EPHB1: variants seen among roughly 807,000 people sequenced by gnomAD.
EPHB1 encodes EPH receptor B1, also known as ephrin type-B receptor 1.
In EPHB1, 30 loss-of-function variants were observed where a neutral mutation model predicts 94.4. The ratio of observed to expected loss-of-function variants is 0.32; its 90% confidence interval spans 0.24 to 0.43. The LOEUF (loss-of-function observed/expected upper bound fraction) is 0.43. Ranked by LOEUF, EPHB1 falls within the 20% of genes least tolerant of loss-of-function variation. The pLI is 1.00. For missense variants in EPHB1, 1,055 were observed against 1,308.3 expected, an observed-to-expected ratio of 0.81 and a Z score of 2.99; for synonymous variants, 522 against 489.1, an observed-to-expected ratio of 1.07 and a Z score of -0.89.
intron 2 of EPHB1, among the ~76,000 whole-genome samples, chr3:134,949,496 C>T (rs1415591920): frequency 6.6e-6 from 1 of 152,192 alleles, no homozygotes; most frequent in African/African-American, 2.4e-5. Flanking sequence ...CTTGCCTCCA[C>T]AGGGGGCTTT....
In EPHB1 at chr3:134,881,363, G is replaced by C. The variant is rs7431490; in HGVS notation, c.59-44453G>C. On this transcript the variant is annotated intron_variant, in intron 1 of 15. Coordinates refer to ENST00000398015, the MANE Select transcript of EPHB1 (RefSeq NM_004441.5). ...CAAGACATGCAGGTATGTGCAAGCA[G>C]ATGGAGGCATGGAATTGTCAGAAAG... Among the ~76,000 whole-genome samples the C allele has an allele frequency of 9.7e-3, 1,483 of 152,284 alleles. 23 individuals carry two copies. The highest frequency in any genetic ancestry group is 0.034 in the African/African-American group (1,420 of 41,552).
chr3:135,043,054 C>A (rs1015268600), intron 3 of EPHB1, among the ~76,000 whole-genome samples: 2 of 151,930 alleles, frequency 1.3e-5, no homozygotes, highest in East Asian at 3.9e-4. Flanking sequence ...ATTGCTATGG[C>A]TAGTCTTGAA....
intron 9 of EPHB1, among the ~76,000 whole-genome samples, chr3:135,171,841 G>T (rs1212079856): frequency 6.6e-6 from 1 of 152,136 alleles, no homozygotes; most frequent in Non-Finnish European, 1.5e-5. Flanking sequence ...GCCCCATGAG[G>T]TACATTTTGC....
intron 4 of EPHB1, among the ~76,000 whole-genome samples, chr3:135,132,110 C>T (rs1190759912): frequency 2.6e-5 from 4 of 151,554 alleles, no homozygotes; most frequent in Admixed American, 6.6e-5. Flanking sequence ...CTACATGAAC[C>T]TCTTCCACTC....
At chr3:135,148,365 A>G (rs552502044) in intron 5 of EPHB1, among the ~76,000 whole-genome samples, 1 of 152,334 alleles carries the variant, frequency 6.6e-6, no homozygotes, top group Non-Finnish European at 1.5e-5. Context: ...TATGACAGTA[A>G]AACTCCTGCA....
chr3:135,016,961 T>C (rs949792839), intron 3 of EPHB1, among the ~76,000 whole-genome samples: 1 of 152,046 alleles, frequency 6.6e-6, no homozygotes, highest in Non-Finnish European at 1.5e-5. Flanking sequence ...CCTTCCCTCA[T>C]CTCCAGGCAT....
At chr3:135,179,575 G>C (rs1942095565) in intron 9 of EPHB1, among the ~76,000 whole-genome samples, 1 of 152,176 alleles carries the variant, frequency 6.6e-6, no homozygotes, top group South Asian at 2.1e-4. Flanking sequence ...TGTGGGAACT[G>C]GTCCCGATCT....
chr3:135,061,374 C>CCA lies in EPHB1; in HGVS notation c.806-45073_806-45072insAC, dbSNP rs368127146. On this transcript the variant is annotated intron_variant, in intron 3 of 15. Transcript: ENST00000398015. ...CTCCCACTTAGGAATGACCACCCCC[C>CCA]CCGACCCAAGTCCCCAAAGTCCATT... is the stretch of plus-strand genomic sequence containing the variant. Among the ~76,000 whole-genome samples, 726 of 126,480 alleles carry CCA rather than the reference C, an allele frequency of 5.7e-3. 37 individuals are homozygous for CCA. The highest frequency in any genetic ancestry group is 0.024 in the African/African-American group (680 of 28,932). 83.0% of individuals were successfully genotyped at this position (126,480 alleles called of 152,430 possible).
intron 3 of EPHB1, among the ~76,000 whole-genome samples, chr3:135,048,259 CTTTTT>C (rs34135757): frequency 1.8e-5 from 1 of 55,202 alleles, no homozygotes; most frequent in African/African-American, 7.2e-5. Flanking sequence ...TTTCTTTTTT[CTTTTT>C]TTTTTTTTTT....
intron 3 of EPHB1, among the ~76,000 whole-genome samples, chr3:134,998,817 G>T (rs1448632329): frequency 6.6e-6 from 1 of 152,150 alleles, no homozygotes; most frequent in Non-Finnish European, 1.5e-5. Flanking sequence ...ATATTTGATA[G>T]ATTTTTAAAA....
intron 2 of EPHB1, among the ~76,000 whole-genome samples, chr3:134,927,704 G>A (rs2038821239): frequency 6.6e-6 from 1 of 152,180 alleles, no homozygotes; most frequent in South Asian, 2.1e-4. Flanking sequence ...TTCTCCTTGA[G>A]GGAAACATTC....
At chr3:135,006,830 T>A (rs1935434303) in intron 3 of EPHB1, among the ~76,000 whole-genome samples, 1 of 152,240 alleles carries the variant, frequency 6.6e-6, no homozygotes, top group Non-Finnish European at 1.5e-5. Context: ...AGTTTTTTTT[T>A]TTCAAAATAT....
chr3:135,211,689 A>G (rs1242171006), intron 12 of EPHB1, among the ~76,000 whole-genome samples: 1 of 152,228 alleles, frequency 6.6e-6, no homozygotes, highest in African/African-American at 2.4e-5. Context: ...CTACATATAT[A>G]TAAGTATGCA....
intron 1 of EPHB1, among the ~76,000 whole-genome samples, chr3:134,851,425 T>A (rs2036982017): frequency 6.6e-6 from 1 of 151,928 alleles, no homozygotes; most frequent in Non-Finnish European, 1.5e-5. Flanking sequence ...CCACTTCCCA[T>A]TTGCTCCCCT....
intron 3 of EPHB1, among the ~76,000 whole-genome samples, chr3:135,102,039 G>T (rs532829108): frequency 6.6e-6 from 1 of 152,262 alleles, no homozygotes; most frequent in East Asian, 1.9e-4. Flanking sequence ...ATAAATATTT[G>T]TTGAATGAGG....
intron 4 of EPHB1, among the ~76,000 whole-genome samples, chr3:135,129,351 G>A (rs1000370077): frequency 2.0e-5 from 3 of 151,812 alleles, no homozygotes; most frequent in African/African-American, 7.3e-5. Flanking sequence ...TCTCCATCCA[G>A]CTCTTCATTT....
Position 135,106,578 on chromosome 3 carries a change from T to A in EPHB1, c.936T>A (p.Phe312Leu). 9 of 1,614,056 alleles carry A rather than the reference T, an allele frequency of 5.6e-6. No individual in the cohort carries two copies. The highest frequency in any genetic ancestry group is 6.8e-6 in the Non-Finnish European group (8 of 1,179,892). The change falls in exon 4 of 16, where the codon TTT (phenylalanine) becomes TTA (leucine). Residue 312 changes from phenylalanine (F) to leucine (L), a missense_variant. Transcript: ENST00000398015. The part of the protein sequence containing the change: ...TCRTGYYRAD[F>L]DPPEVACTSV... ...GGACCGGTTATTACCGAGCGGACTT[T>A]GACCCTCCAGAAGTGGCATGCACTA...
intron 3 of EPHB1, among the ~76,000 whole-genome samples, chr3:135,016,628 C>T (rs746489654): frequency 2.6e-5 from 4 of 152,230 alleles, no homozygotes; most frequent in Non-Finnish European, 5.9e-5. Context: ...CCACCCAGTG[C>T]ATCAGTCATA....
intron 1 of EPHB1, among the ~76,000 whole-genome samples, chr3:134,847,067 G>C (rs1416187898): frequency 2.0e-5 from 3 of 152,044 alleles, no homozygotes; most frequent in African/African-American, 7.2e-5. Context: ...CTTTCTGAGG[G>C]GTCAGAGGGT....
Sources: gnomAD v4.1 joint callset for allele counts (sites outside exome capture counted in the v4.1 genomes callset) on GRCh38, gnomAD v4.1.1 for gene constraint, MANE v1.5 for transcripts, NCBI Gene and HGNC (gene_info 2026-07-23, HGNC 2026-07-21) for gene names.